Variants in RICTOR observed in about 807,000 individuals in gnomAD.
RICTOR encodes the protein rapamycin-insensitive companion of mTOR.
Under a neutral mutation model 214.9 loss-of-function variants are expected in RICTOR, and 49 were observed. That is an observed-to-expected ratio of 0.23 (90% confidence interval 0.18 to 0.29). The LOEUF is 0.29. RICTOR is among the 10% of genes least tolerant of loss of function. The pLI, the probability that RICTOR is intolerant of heterozygous loss-of-function variation, is 1.00. For missense variants in RICTOR, 1,625 were observed against 2,047.0 expected, an observed-to-expected ratio of 0.79 and a Z score of 3.98; for synonymous variants, 717 against 711.3, an observed-to-expected ratio of 1.01 and a Z score of -0.13.
At chr5:38,981,595 ATAACT>A (rs758187291) in intron 8 of RICTOR, 92 of 282,960 alleles carry the variant, frequency 3.3e-4, no homozygotes, top group African/African-American at 1.8e-3. Context: ...AATTTGTTAC[ATAACT>A]TTATTTGTAC....
chr5:39,039,929 A>G (rs1332014701), intron 2 of RICTOR, among the ~76,000 whole-genome samples: 2 of 152,058 alleles, frequency 1.3e-5, no homozygotes, highest in Non-Finnish European at 2.9e-5. Flanking sequence ...GGGATCTAGA[A>G]CTAGAAATAC....
chr5:38,979,613 T>A (rs1156287133), intron 8 of RICTOR, among the ~76,000 whole-genome samples: 2 of 152,154 alleles, frequency 1.3e-5, no homozygotes, highest in East Asian at 1.9e-4. Context: ...CTTGGCTACA[T>A]GGTTATGGCT....
At chr5:39,042,727 ATGGT>A (rs1350499043) in intron 2 of RICTOR, among the ~76,000 whole-genome samples, 1 of 152,216 alleles carries the variant, frequency 6.6e-6, no homozygotes, top group Non-Finnish European at 1.5e-5. Context: ...ACCTAAAACA[ATGGT>A]TGGCAAACAG....
intron 18 of RICTOR, 33 bp from the exon 19 acceptor site, chr5:38,962,394 T>C: frequency 8.5e-7 from 1 of 1,178,836 alleles, no homozygotes; most frequent in Non-Finnish European, 1.2e-6. Flanking sequence ...ATTACATATG[T>C]ACTTATCAAT....
Position 38,978,631 on chromosome 5 carries a change from G to C in RICTOR, c.773C>G (p.Thr258Ser), listed in dbSNP as rs761684051. The C allele has an allele frequency of 1.3e-6, 2 of 1,548,596 alleles. No homozygotes were observed. Among genetic ancestry groups the C allele is most frequent in the Non-Finnish European group, 1.8e-6 (2 of 1,129,512 alleles). Residue 258 changes from threonine (T) to serine (S), a missense_variant, in exon 9 of 38, where the codon ACT becomes AGT. Thr to Ser is a moderately conservative substitution (Grantham distance 58). Around this residue, in one of 5 missense-constraint regions of RICTOR, gnomAD observed 258 missense variants for 393.7 expected, o/e 0.66. Transcript: ENST00000357387. ...VELERILAPY[T>S]DFHYRHSPDT... ...TGGACTATGTCTGTAGTGAAAATCAGTATAGGGTGCTAAAATTCTCTATTT... is the reference window on the plus strand; with the variant it reads ...TGGACTATGTCTGTAGTGAAAATCACTATAGGGTGCTAAAATTCTCTATTT...
chr5:38,956,903 A>AT (rs2112900194), intron 25 of RICTOR, among the ~76,000 whole-genome samples: 1 of 152,286 alleles, frequency 6.6e-6, no homozygotes, highest in South Asian at 2.1e-4. Context: ...TTTAAGGAGT[A>AT]TCTCTTATGA....
intron 27 of RICTOR, among the ~76,000 whole-genome samples, chr5:38,954,025 A>G (rs1433814973): frequency 1.3e-5 from 2 of 151,900 alleles, no homozygotes; most frequent in Non-Finnish European, 2.9e-5. Context: ...TCAAATGTTA[A>G]TATGAAAATA....
At chr5:39,039,693 G>A (rs1379086239) in intron 2 of RICTOR, among the ~76,000 whole-genome samples, 1 of 152,188 alleles carries the variant, frequency 6.6e-6, no homozygotes, top group African/African-American at 2.4e-5. Context: ...AGACATTTAT[G>A]CAGCCAAAAA....
intron 3 of RICTOR, among the ~76,000 whole-genome samples, chr5:39,005,243 A>G (rs927740935): frequency 6.6e-6 from 1 of 152,122 alleles, no homozygotes; most frequent in Non-Finnish European, 1.5e-5. Context: ...GAAAAATTCT[A>G]TACAATATAT....
chr5:39,014,207 C>T (rs1754765934), intron 3 of RICTOR, among the ~76,000 whole-genome samples: 1 of 152,110 alleles, frequency 6.6e-6, no homozygotes, highest in Non-Finnish European at 1.5e-5. Flanking sequence ...CTTTACCATA[C>T]CCTGTGTAAT....
At chr5:38,959,714 C>T (rs1749616088) in intron 21 of RICTOR, 65 bp downstream of exon 21, 15 of 1,021,888 alleles carry the variant, frequency 1.5e-5, no homozygotes, top group Admixed American at 3.5e-5. Context: ...AAAAAGCATA[C>T]CATATCTAAC....
At chr5:38,949,467 T>C in intron 31 of RICTOR, 1 of 1,503,644 alleles carries the variant, frequency 6.7e-7, no homozygotes, top group Non-Finnish European at 9.0e-7. Context: ...AGCTTGTGAC[T>C]TGTATGTCCT....
At position 39,021,130 on chromosome 5, in the gene RICTOR, G is replaced by A. The variant is rs1177276513; in HGVS notation, c.104C>T (p.Ser35Phe). The change falls in exon 3 of 38, where the codon TCT becomes TTT. Residue 35 changes from serine to phenylalanine, a missense_variant. Coordinates refer to ENST00000357387, the MANE Select transcript of RICTOR (RefSeq NM_152756.5). ...NVPLDLTREPSDNLREILQNV... is the reference protein window; with the variant it reads ...NVPLDLTREPFDNLREILQNV... Reference sequence around the variant, plus strand: ...TTGGAGAATCTCTCTTAAGTTATCAGAAGGTTCTAGAAGGAAAGACAAGAC... The same window carrying A: ...TTGGAGAATCTCTCTTAAGTTATCAAAAGGTTCTAGAAGGAAAGACAAGAC... 3 of 1,521,300 alleles carry A rather than the reference G, an allele frequency of 2.0e-6. No homozygotes were observed. In the East Asian group the frequency reaches 6.8e-5, roughly 34 times the overall value. 94.2% of individuals were successfully genotyped at this position (1,521,300 alleles called of 1,614,324 possible).
At position 38,941,124 on chromosome 5, in the gene RICTOR, T is replaced by C. The variant is rs115757729; in HGVS notation, c.*1180A>G. The C allele has an allele frequency of 4.3e-6, 1 of 232,846 alleles. No homozygotes were observed. Among genetic ancestry groups the C allele is most frequent in the Non-Finnish European group, 8.5e-6 (1 of 117,574 alleles). 14.4% of individuals were successfully genotyped at this position (232,846 alleles called of 1,614,324 possible). A position where few individuals can be genotyped will look rare whatever the true frequency, so the allele number is the denominator to read the frequency against. ...CCAAATACCTTTAGACATATACAAA[T>C]TAAACAAACAAAAACCTTGCCCTCA... On this transcript the variant is annotated 3_prime_UTR_variant, in exon 38 of 38. Coordinates refer to ENST00000357387, the MANE Select transcript of RICTOR (RefSeq NM_152756.5).
intron 11 of RICTOR, 106 bp downstream of exon 11, chr5:38,971,771 T>G: frequency 3.1e-6 from 2 of 639,972 alleles, no homozygotes; most frequent in Non-Finnish European, 2.8e-6. Flanking sequence ...TGATCTAGAT[T>G]AACAACTAAT....
At position 38,939,008 on chromosome 5, in the gene RICTOR, A is replaced by G. The variant is rs1205755724; in HGVS notation, c.*3296T>C. The stretch of plus-strand genomic sequence containing the variant: ...AGAAAAAACCTTACTTCCAAAGAAC[A>G]TTTCCCAAAGTAGTTTACAAAGTTC... On this transcript the variant is annotated 3_prime_UTR_variant, in exon 38 of 38. Transcript: ENST00000357387. The G allele has an allele frequency of 8.6e-6, 2 of 233,008 alleles. No individual in the cohort carries two copies. The highest frequency in any genetic ancestry group is 2.2e-5 in the African/African-American group (1 of 45,328). The allele number at this position is 233,008 out of a possible 1,614,324, so 14.4% of individuals were successfully genotyped here.
intron 2 of RICTOR, among the ~76,000 whole-genome samples, chr5:39,066,408 G>A (rs1015403964): frequency 7.2e-5 from 11 of 152,218 alleles, no homozygotes; most frequent in Non-Finnish European, 2.9e-5. Context: ...TATGATGAGA[G>A]GGGCTGCTGT....
chr5:38,971,374 A>ATTT (rs772421728), intron 11 of RICTOR: 3 of 91,852 alleles, frequency 3.3e-5, no homozygotes, highest in Non-Finnish European at 7.6e-5. Flanking sequence ...AACAACAGCA[A>ATTT]TTTTTTTTTT....
intron 2 of RICTOR, among the ~76,000 whole-genome samples, chr5:39,055,986 C>T (rs1342191908): frequency 1.3e-5 from 2 of 152,184 alleles, no homozygotes; most frequent in Non-Finnish European, 2.9e-5. Context: ...TAAGATGTCT[C>T]CTGGGTGTCT....
Sources: gnomAD v4.1 joint callset for allele counts (sites outside exome capture counted in the v4.1 genomes callset) on GRCh38, gnomAD v4.1.1 for gene constraint, gnomAD v4.1.1 regional missense constraint, MANE v1.5 for transcripts, NCBI Gene and HGNC (gene_info 2026-07-23, HGNC 2026-07-21) for gene names.